CLTA: variants seen among roughly 807,000 people sequenced by gnomAD.
CLTA encodes clathrin, light polypeptide (Lca).
A neutral mutation model predicts 26.9 loss-of-function variants in CLTA; 9 were observed. The ratio of observed to expected loss-of-function variants is 0.33; its 90% CI spans 0.20 to 0.58. The LOEUF is 0.58. Ranked by LOEUF, CLTA falls within the 20% of genes least tolerant of loss-of-function variation. The probability of loss-of-function intolerance (pLI) is 0.85; values close to 1 mark genes in which losing one functional copy is unlikely to be tolerated. For missense variants in CLTA, 278 were observed against 294.2 expected (o/e 0.94, Z 0.40); for synonymous variants, 120 against 115.5 (o/e 1.04, Z -0.25).
chr9:36,191,418 G>A, intron 1 of CLTA, 145 bp downstream of exon 1: 3 of 1,022,710 alleles, frequency 2.9e-6, no homozygotes, highest in Non-Finnish European at 4.0e-6. Flanking sequence ...CCCTGGCCCG[G>A]TCTTTCAGAA....
chr9:36,211,374 A>C (rs1828030073), intron 4 of CLTA, among the ~76,000 whole-genome samples: 1 of 152,172 alleles, frequency 6.6e-6, no homozygotes, highest in African/African-American at 2.4e-5. Flanking sequence ...TGAGCCTTGA[A>C]CCAAACACCT....
chr9:36,194,107 C>T (rs887531934), intron 1 of CLTA, among the ~76,000 whole-genome samples: 1 of 152,156 alleles, frequency 6.6e-6, no homozygotes, highest in Non-Finnish European at 1.5e-5. Flanking sequence ...TTCACTGCAA[C>T]CTCCGCCTCC....
intron 2 of CLTA, 49 bp from the exon 3 acceptor site, chr9:36,198,930 A>T: frequency 4.2e-6 from 5 of 1,195,478 alleles, no homozygotes; most frequent in Non-Finnish European, 6.2e-6. Flanking sequence ...AGTGCATTTT[A>T]GGAAGGAATT....
Position 36,204,094 on chromosome 9 carries a change from G to A in CLTA, c.400G>A (p.Glu134Lys), listed in dbSNP as rs374987763. ...LDANSRKQEA[E>K]WKEKAIKELE... ...TGCCAATTCTCGGAAGCAAGAAGCAGAGTGGAAAGAAAAGGCAATAAAGGA... is the reference window on the plus strand; with the variant it reads ...TGCCAATTCTCGGAAGCAAGAAGCAAAGTGGAAAGAAAAGGCAATAAAGGA... Residue 134 changes from glutamate (E) to lysine (K), a missense_variant, in exon 4 of 5, where the codon GAG becomes AAG. Physicochemically the swap from Glu to Lys is moderately conservative, Grantham distance 56. Transcript: ENST00000345519. 35 of 1,614,028 alleles carry A rather than the reference G, an allele frequency of 2.2e-5. No individual in the cohort carries two copies. The highest frequency in any genetic ancestry group is 2.8e-5 in the Non-Finnish European group (33 of 1,180,008).
chr9:36,193,440 TCA>T (rs1826852928), intron 1 of CLTA, among the ~76,000 whole-genome samples: 1 of 152,160 alleles, frequency 6.6e-6, no homozygotes, highest in Non-Finnish European at 1.5e-5. Flanking sequence ...CTGCCCGGCC[TCA>T]GTTTTCTCCT....
rs769438385 is a variant in CLTA at position 36,191,094 on chromosome 9, C to G, written c.38C>G (p.Ala13Gly). ...ELDPFGAPAG[A>G]PGGPALGNGV... ...GATCCGTTCGGCGCCCCTGCCGGCG[C>G]CCCTGGCGGTCCCGCGCTGGGGAAC... The change falls in exon 1 of 5, where the codon GCC (alanine) becomes GGC (glycine). Residue 13 changes from alanine (A) to glycine (G), a missense_variant. Physicochemically the swap from Ala to Gly is moderately conservative, Grantham distance 60. Transcript: ENST00000345519. 5 of 1,592,042 alleles carry G rather than the reference C, an allele frequency of 3.1e-6. No individual in the cohort carries two copies. Among genetic ancestry groups the G allele is most frequent in the Non-Finnish European group, 4.3e-6 (5 of 1,174,302 alleles).
chr9:36,198,414 C>T (rs936018600), intron 2 of CLTA, among the ~76,000 whole-genome samples: 1 of 151,928 alleles, frequency 6.6e-6, no homozygotes, highest in Non-Finnish European at 1.5e-5. Context: ...CGGTGGCTCA[C>T]GCCTGTAATT....
chr9:36,206,443 A>G (rs1280527103), intron 4 of CLTA, among the ~76,000 whole-genome samples: 2 of 152,120 alleles, frequency 1.3e-5, no homozygotes, highest in South Asian at 4.2e-4. Flanking sequence ...CCAAGGGTCT[A>G]CACCCTCCCC....
rs891162368 is a variant in CLTA at position 36,208,263 on chromosome 9, C to T, written c.486-3340C>T. Among the ~76,000 whole-genome samples the T allele has an allele frequency of 5.0e-4, 76 of 152,056 alleles. 1 individual carries two copies. The highest frequency in any genetic ancestry group is 1.6e-3 in the African/African-American group (67 of 41,400). The stretch of plus-strand genomic sequence containing the variant: ...GGCTGGCAGAGCCCAGGGAGTCAGT[C>T]CAGGACAACAGAGTCAAAGCCAGCC... On this transcript the variant is annotated intron_variant, in intron 4 of 4. Coordinates refer to ENST00000345519, the MANE Select transcript of CLTA (RefSeq NM_001833.4).
intron 1 of CLTA, among the ~76,000 whole-genome samples, chr9:36,191,978 A>C (rs1411935099): frequency 6.6e-6 from 1 of 152,206 alleles, no homozygotes; most frequent in African/African-American, 2.4e-5. Context: ...TCAGGGAGGG[A>C]TGAAGAGGTG....
rs16933049 is a variant in CLTA at position 36,201,135 on chromosome 9, T to C, written c.373+2039T>C. On this transcript the variant is annotated intron_variant, in intron 3 of 4. Coordinates refer to ENST00000345519, the MANE Select transcript of CLTA (RefSeq NM_001833.4). ...TGGGGAATACTCTTATGAGCTGTTT[T>C]CTTAATTCAAAGTGCTTTTTTTGAG... Among the ~76,000 whole-genome samples, 814 of 152,360 alleles carry C rather than the reference T, an allele frequency of 5.3e-3. 8 individuals are homozygous for C. Among genetic ancestry groups the C allele is most frequent in the African/African-American group, 0.018 (740 of 41,582 alleles).
chr9:36,209,236 T>C, intron 4 of CLTA: 1 of 1,612,972 alleles, frequency 6.2e-7, no homozygotes, highest in Non-Finnish European at 8.5e-7. Context: ...TCCTGCCTGC[T>C]TGCCTGCCTT....
intron 4 of CLTA, chr9:36,209,406 C>A: frequency 1.8e-6 from 2 of 1,112,074 alleles, no homozygotes; most frequent in South Asian, 1.3e-5. Context: ...TCACAAGTTG[C>A]TTTGCTTTTT....
intron 1 of CLTA, among the ~76,000 whole-genome samples, chr9:36,192,774 A>C (rs1445888978): frequency 2.6e-5 from 4 of 152,200 alleles, no homozygotes; most frequent in African/African-American, 9.7e-5. Flanking sequence ...CACTCTTAGA[A>C]TATACCACAT....
At chr9:36,194,268 C>T (rs1022296535) in intron 1 of CLTA, among the ~76,000 whole-genome samples, 1 of 152,176 alleles carries the variant, frequency 6.6e-6, no homozygotes, top group Non-Finnish European at 1.5e-5. Flanking sequence ...CTCAGGTGAG[C>T]CACCCGCCTT....
Position 36,211,916 on chromosome 9 carries a change from T to C in CLTA, c.*142T>C, listed in dbSNP as rs1803193. 6 of 747,456 alleles carry C rather than the reference T, an allele frequency of 8.0e-6. No individual in the cohort carries two copies. The highest frequency in any genetic ancestry group is 1.3e-5 in the Non-Finnish European group (6 of 449,284). 46.3% of individuals were successfully genotyped at this position (747,456 alleles called of 1,614,324 possible). A position where few individuals can be genotyped will look rare whatever the true frequency, so the allele number is the denominator to read the frequency against. ...GAGTTGTTCATTGTTTGTGATTGCA[T>C]GTTTCCTTCCTTCAACTGTGTTCTC... is the stretch of plus-strand genomic sequence containing the variant. On this transcript the variant is annotated 3_prime_UTR_variant, in exon 5 of 5. Transcript: ENST00000345519.
At chr9:36,198,652 G>A (rs1386258049) in intron 2 of CLTA, among the ~76,000 whole-genome samples, 1 of 148,868 alleles carries the variant, frequency 6.7e-6, no homozygotes, top group African/African-American at 2.5e-5. Context: ...CTGCACTCCA[G>A]TCTGGGTGAC....
intron 4 of CLTA, among the ~76,000 whole-genome samples, chr9:36,210,376 T>C (rs1827973119): frequency 6.6e-6 from 1 of 152,148 alleles, no homozygotes; most frequent in African/African-American, 2.4e-5. Flanking sequence ...ACTTGTGAAA[T>C]GCTGGACTTA....
intron 4 of CLTA, chr9:36,209,433 G>A (rs1827914965): frequency 1.2e-6 from 1 of 822,764 alleles, no homozygotes; most frequent in African/African-American, 1.7e-5. Context: ...TTTCAAATTG[G>A]CACTTTGGGG....
Sources: allele counts gnomAD v4.1 joint callset (sites outside exome capture counted in the v4.1 genomes callset), GRCh38; gene constraint gnomAD v4.1.1; transcripts MANE v1.5; gene names NCBI Gene and HGNC (gene_info 2026-07-23, HGNC 2026-07-21).